The following FAM185A variants were observed in gnomAD, a reference collection of about 807,000 sequenced individuals.
FAM185A encodes protein FAM185A.
A neutral mutation model predicts 45.7 loss-of-function variants in FAM185A; 21 were observed. The ratio of observed to expected loss-of-function variants is 0.46; its 90% CI spans 0.33 to 0.66. FAM185A has a LOEUF of 0.66. FAM185A is among the 30% of genes least tolerant of loss of function. The probability of loss-of-function intolerance (pLI) is 0.03; values close to 1 mark genes in which losing one functional copy is unlikely to be tolerated. For synonymous variants in FAM185A, 117 were observed against 194.0 expected (o/e 0.60, Z 3.30); for missense variants, 305 against 485.4 (o/e 0.63, Z 3.49).
chr7:102,749,044 G>A lies in FAM185A; in HGVS notation c.-164G>A, dbSNP rs1167324144. ...TGCCCCTGGGGATTGCGCGGCTGAT[G>A]TTTAGAACGCCTAGTCAAGCCAACC... is the stretch of plus-strand genomic sequence containing the variant. On this transcript the variant is annotated 5_prime_UTR_variant, in exon 1 of 8. The change abolishes an upstream ATG in the 5' untranslated region. Coordinates refer to ENST00000413034, the MANE Select transcript of FAM185A (RefSeq NM_001145268.2). The A allele has an allele frequency of 4.4e-6, 5 of 1,124,014 alleles. No homozygotes were observed. The East Asian group carries it at 7.7e-5, about 17-fold the overall frequency. 69.6% of individuals were successfully genotyped at this position (1,124,014 alleles called of 1,614,324 possible).
chr7:102,793,697 A>C (rs1437005930), intron 7 of FAM185A, among the ~76,000 whole-genome samples: 1 of 151,968 alleles, frequency 6.6e-6, no homozygotes, highest in Non-Finnish European at 1.5e-5. Context: ...CAGATTACAT[A>C]TGGACTCTGT....
the FAM185A span, among the ~76,000 whole-genome samples, chr7:102,834,084 A>G: frequency 0.25 from 24,317 of 97,644 alleles, 3,518 homozygotes; most frequent in African/African-American, 0.35. Flanking sequence ...AAGGAAGGAA[A>G]GAAAAGAAAG....
downstream of FAM185A, among the ~76,000 whole-genome samples, chr7:102,811,125 C>T (rs2129444320): frequency 1.3e-5 from 2 of 152,152 alleles, no homozygotes; most frequent in Middle Eastern, 3.4e-3. Flanking sequence ...CTTTTTTCAC[C>T]CTCATGCAAT....
In FAM185A at chr7:102,808,515, T is replaced by A; in HGVS notation, c.*113T>A. Reference sequence around the variant, plus strand: ...TTGAAAACAACAAATTGAGAATGAATACTGGTGAACTGTTTTGGGAGGCTT... The same window carrying A: ...TTGAAAACAACAAATTGAGAATGAAAACTGGTGAACTGTTTTGGGAGGCTT... On this transcript the variant is annotated 3_prime_UTR_variant, in exon 8 of 8. Transcript: ENST00000413034. The A allele has an allele frequency of 1.4e-6, 1 of 710,782 alleles. No homozygotes were observed. 44.0% of individuals were successfully genotyped at this position (710,782 alleles called of 1,614,324 possible). A position where few individuals can be genotyped will look rare whatever the true frequency, so the allele number is the denominator to read the frequency against.
the FAM185A span, among the ~76,000 whole-genome samples, chr7:102,842,501 A>G: frequency 6.6e-6 from 1 of 152,254 alleles, no homozygotes; most frequent in Non-Finnish European, 1.5e-5. Flanking sequence ...AGAATGATTG[A>G]TGAGAATCTT....
chr7:102,834,878 A>ATGTG, the FAM185A span, among the ~76,000 whole-genome samples: 5,757 of 147,086 alleles, frequency 0.039, 112 homozygotes, highest in Non-Finnish European at 0.04. Flanking sequence ...CCATTCCACA[A>ATGTG]TGTGTGTGTG....
At chr7:102,776,036 C>G (rs918898986) in intron 5 of FAM185A, among the ~76,000 whole-genome samples, 4 of 148,282 alleles carry the variant, frequency 2.7e-5, no homozygotes, top group Non-Finnish European at 5.9e-5. Flanking sequence ...CAGTTTATTC[C>G]AAATTTACTC....
At chr7:102,768,682 C>T (rs957062951) in intron 4 of FAM185A, among the ~76,000 whole-genome samples, 4 of 151,458 alleles carry the variant, frequency 2.6e-5, no homozygotes, top group African/African-American at 9.7e-5. Context: ...CAATGTTTAT[C>T]TTTAAATTGA....
chr7:102,827,085 A>G, the FAM185A span: 1 of 445,762 alleles, frequency 2.2e-6, no homozygotes, highest in East Asian at 7.0e-5. Context: ...ACTTGCTTTG[A>G]CCAAAGGAAT....
chr7:102,811,329 C>T (rs914969756), downstream of FAM185A, among the ~76,000 whole-genome samples: 3 of 152,150 alleles, frequency 2.0e-5, no homozygotes, highest in South Asian at 2.1e-4. Context: ...ATATGAAATA[C>T]GTAAGGGCTA....
chr7:102,801,674 C>T (rs1206980982), intron 7 of FAM185A, among the ~76,000 whole-genome samples: 1 of 152,184 alleles, frequency 6.6e-6, no homozygotes, highest in Non-Finnish European at 1.5e-5. Context: ...CCTATAATCC[C>T]AGCACTTTGG....
intron 4 of FAM185A, among the ~76,000 whole-genome samples, chr7:102,764,099 G>GA (rs1178684555): frequency 6.6e-6 from 1 of 152,048 alleles, no homozygotes; most frequent in Non-Finnish European, 1.5e-5. Context: ...AAGGGGAAGG[G>GA]AAAATTTAAT....
rs529680705 is a variant in FAM185A at position 102,755,993 on chromosome 7, A to T, written c.562-1861A>T. The T allele has an allele frequency of 7.1e-4, 228 of 319,388 alleles. 2 individuals are homozygous for T. In the East Asian group the frequency reaches 0.012, roughly 17 times the overall value. 19.8% of individuals were successfully genotyped at this position (319,388 alleles called of 1,614,324 possible). ...AAAATAATTAAAATAATTAAAAAATAAAAAAAAGTGCTTTGTGGATAGTCT... is the reference window on the plus strand; with the variant it reads ...AAAATAATTAAAATAATTAAAAAATTAAAAAAAGTGCTTTGTGGATAGTCT... On this transcript the variant is annotated intron_variant, in intron 2 of 7. Transcript: ENST00000413034.
chr7:102,778,542 CAG>C (rs1371948488), intron 6 of FAM185A, among the ~76,000 whole-genome samples: 7 of 152,256 alleles, frequency 4.6e-5, no homozygotes, highest in Admixed American at 2.6e-4. Context: ...ATAAAACAAA[CAG>C]AAAACTGTAA....
chr7:102,749,429 T>C lies in FAM185A; in HGVS notation c.222T>C (p.Phe74=), dbSNP rs1165907744. 3 of 1,548,224 alleles carry C rather than the reference T, an allele frequency of 1.9e-6. No homozygotes were observed. The highest frequency in any genetic ancestry group is 2.6e-6 in the Non-Finnish European group (3 of 1,146,272). The change falls in exon 1 of 8, where the codon TTT becomes TTC. Residue 74 remains phenylalanine, a synonymous_variant. Coordinates refer to ENST00000413034, the MANE Select transcript of FAM185A (RefSeq NM_001145268.2). ...AGTGGACACTGCAGGTGAGCCCGTT[T>C]GGTCGGCTGCGGGCGCGGCTCCCGT... ...LKEWTLQVSP[F]GRLRARLPCH... is the part of the protein sequence containing the mutation.
the FAM185A span, among the ~76,000 whole-genome samples, chr7:102,825,547 C>G: frequency 1.3e-5 from 2 of 152,168 alleles, no homozygotes; most frequent in African/African-American, 4.8e-5. Context: ...TTCAGGTATT[C>G]TGTTATACAC....
chr7:102,821,183 T>C, the FAM185A span, among the ~76,000 whole-genome samples: 3 of 152,164 alleles, frequency 2.0e-5, no homozygotes, highest in Non-Finnish European at 4.4e-5. Context: ...TAAATGAGGT[T>C]AGCAGTATTC....
At chr7:102,796,484 T>C (rs2129443413) in intron 7 of FAM185A, among the ~76,000 whole-genome samples, 1 of 152,354 alleles carries the variant, frequency 6.6e-6, no homozygotes, top group African/African-American at 2.4e-5. Context: ...ATGGCTGTTA[T>C]TGTCTTGGTT....
the FAM185A span, among the ~76,000 whole-genome samples, chr7:102,835,803 G>C: frequency 6.6e-6 from 1 of 151,092 alleles, no homozygotes; most frequent in Admixed American, 6.6e-5. Context: ...TAGAGACGGG[G>C]TTTCACCGTT....
Sources: allele counts gnomAD v4.1 joint callset (sites outside exome capture counted in the v4.1 genomes callset), GRCh38; gene constraint gnomAD v4.1.1; transcripts MANE v1.5; gene names NCBI Gene and HGNC (gene_info 2026-07-23, HGNC 2026-07-21).